Variants in DGKI observed in about 807,000 individuals in gnomAD.
DGKI encodes the protein DAG kinase iota.
Under a neutral mutation model 147.5 loss-of-function variants are expected in DGKI, and 55 were observed. That is an observed-to-expected ratio of 0.37 (90% confidence interval 0.30 to 0.47). DGKI has a LOEUF of 0.47. Ranked by LOEUF, DGKI falls within the 20% of genes least tolerant of loss-of-function variation. DGKI has a pLI of 1.00. For missense variants in DGKI, 1,007 were observed against 1,323.8 expected, an observed-to-expected ratio of 0.76 and a Z score of 3.71; for synonymous variants, 469 against 477.1, an observed-to-expected ratio of 0.98 and a Z score of 0.22.
intron 5 of DGKI, among the ~76,000 whole-genome samples, chr7:137,650,981 G>A (rs1390523813): frequency 6.6e-6 from 1 of 152,204 alleles, no homozygotes; most frequent in African/African-American, 2.4e-5. Context: ...GGGAGCTGGA[G>A]GTGGCTGGAA....
At chr7:137,412,647 T>C (rs1022601265) in intron 28 of DGKI, among the ~76,000 whole-genome samples, 1 of 152,194 alleles carries the variant, frequency 6.6e-6, no homozygotes, top group African/African-American at 2.4e-5. Flanking sequence ...CTAATCATGA[T>C]TGCACTTGCT....
At chr7:137,597,271 G>A (rs2128988077) in intron 12 of DGKI, among the ~76,000 whole-genome samples, 1 of 152,136 alleles carries the variant, frequency 6.6e-6, no homozygotes, top group Non-Finnish European at 1.5e-5. Context: ...AGAAATGATA[G>A]CCTAGGTAAT....
At chr7:137,664,395 A>AAAAAG (rs1822560190) in intron 3 of DGKI, among the ~76,000 whole-genome samples, 3 of 138,228 alleles carry the variant, frequency 2.2e-5, no homozygotes, top group African/African-American at 1.0e-4. Flanking sequence ...AAAAAAAAAA[A>AAAAAG]AAAGAAAGAA....
chr7:137,795,872 C>T (rs1254823057), intron 1 of DGKI, among the ~76,000 whole-genome samples: 1 of 152,180 alleles, frequency 6.6e-6, no homozygotes, highest in African/African-American at 2.4e-5. Flanking sequence ...CAATTATTAG[C>T]TGACCACTAA....
chr7:137,749,389 C>G (rs1314232273), intron 1 of DGKI, among the ~76,000 whole-genome samples: 1 of 152,140 alleles, frequency 6.6e-6, no homozygotes, highest in Non-Finnish European at 1.5e-5. Context: ...CCCAAGCAAG[C>G]TCCCCACTCA....
intron 1 of DGKI, among the ~76,000 whole-genome samples, chr7:137,766,380 A>T (rs191986596): frequency 1.9e-4 from 29 of 152,326 alleles, no homozygotes; most frequent in Admixed American, 5.2e-4. Context: ...AAGTTTTTTT[A>T]AAAAGTAAAG....
intron 10 of DGKI, among the ~76,000 whole-genome samples, chr7:137,607,681 C>T (rs551859440): frequency 3.3e-5 from 5 of 152,280 alleles, no homozygotes; most frequent in Non-Finnish European, 2.9e-5. Context: ...GGGTTCCCAA[C>T]TGCATCTCTA....
chr7:137,748,698 C>A (rs1346490548), intron 1 of DGKI, among the ~76,000 whole-genome samples: 1 of 151,952 alleles, frequency 6.6e-6, no homozygotes, highest in Non-Finnish European at 1.5e-5. Flanking sequence ...AGATATATAC[C>A]CTTCATATAC....
At chr7:137,594,646 C>T (rs1819727030) in intron 12 of DGKI, among the ~76,000 whole-genome samples, 1 of 152,166 alleles carries the variant, frequency 6.6e-6, no homozygotes, top group Non-Finnish European at 1.5e-5. Context: ...AAATATATAC[C>T]TGAATTCAGA....
chr7:137,502,934 T>C (rs914857874), intron 21 of DGKI, among the ~76,000 whole-genome samples: 1 of 152,122 alleles, frequency 6.6e-6, no homozygotes, highest in African/African-American at 2.4e-5. Context: ...GAGTCCCATA[T>C]GTAGAGCTTC....
At chr7:137,813,401 G>C (rs1401302256) in intron 1 of DGKI, among the ~76,000 whole-genome samples, 4 of 152,158 alleles carry the variant, frequency 2.6e-5, no homozygotes, top group Admixed American at 1.3e-4. Flanking sequence ...GGCAGATTCA[G>C]GTCAGGAAGA....
At chr7:137,727,203 C>T (rs2116644825) in intron 1 of DGKI, among the ~76,000 whole-genome samples, 1 of 152,078 alleles carries the variant, frequency 6.6e-6, no homozygotes, top group Non-Finnish European at 1.5e-5. Context: ...GGAAAGGGGA[C>T]AGGAATTACC....
intron 1 of DGKI, among the ~76,000 whole-genome samples, chr7:137,713,485 A>G (rs754995552): frequency 2.6e-5 from 4 of 152,332 alleles, no homozygotes; most frequent in Non-Finnish European, 4.4e-5. Flanking sequence ...GAAATGAGAC[A>G]CATAATACAC....
intron 28 of DGKI, among the ~76,000 whole-genome samples, chr7:137,422,778 G>A (rs1422349535): frequency 6.6e-6 from 1 of 151,426 alleles, no homozygotes; most frequent in South Asian, 2.1e-4. Flanking sequence ...CTAATTTTTT[G>A]TATTTTTAGT....
At chr7:137,815,659 G>T (rs916935821) in intron 1 of DGKI, among the ~76,000 whole-genome samples, 9 of 152,192 alleles carry the variant, frequency 5.9e-5, no homozygotes, top group African/African-American at 2.2e-4. Context: ...ATGTAGGCCT[G>T]TGGAAGTTTA....
chr7:137,709,857 G>A (rs1794162793), intron 1 of DGKI, among the ~76,000 whole-genome samples: 2 of 151,748 alleles, frequency 1.3e-5, no homozygotes, highest in South Asian at 2.1e-4. Flanking sequence ...GACTAAAGAA[G>A]AGACCATAAA....
At chr7:137,736,958 T>A (rs1222409959) in intron 1 of DGKI, among the ~76,000 whole-genome samples, 2 of 152,004 alleles carry the variant, frequency 1.3e-5, no homozygotes, top group African/African-American at 4.8e-5. Flanking sequence ...ATCTTTGTTA[T>A]CTCTTATAAG....
At chr7:137,760,347 C>T (rs1379251156) in intron 1 of DGKI, among the ~76,000 whole-genome samples, 1 of 152,170 alleles carries the variant, frequency 6.6e-6, no homozygotes, top group East Asian at 1.9e-4. Flanking sequence ...CATGGTTACT[C>T]TAATCTTTAT....
intron 20 of DGKI, among the ~76,000 whole-genome samples, chr7:137,537,162 A>C (rs1817548114): frequency 6.6e-6 from 1 of 152,188 alleles, no homozygotes; most frequent in Non-Finnish European, 1.5e-5. Flanking sequence ...ATTACTAGTA[A>C]GAGTACCCAA....
Sources: allele counts gnomAD v4.1 joint callset (sites outside exome capture counted in the v4.1 genomes callset), GRCh38; gene constraint gnomAD v4.1.1; transcripts MANE v1.5; gene names NCBI Gene and HGNC (gene_info 2026-07-23, HGNC 2026-07-21).